SLC24A3: variants seen among roughly 807,000 people sequenced by gnomAD.
The protein encoded by SLC24A3 is sodium/potassium/calcium exchanger 3.
In SLC24A3, 28 loss-of-function variants were observed where a neutral mutation model predicts 75.8. That is an observed-to-expected ratio of 0.37 (90% CI 0.27 to 0.51). The LOEUF is 0.51. SLC24A3 is among the 20% of genes least tolerant of loss of function. The probability of loss-of-function intolerance (pLI) is 0.94; values close to 1 mark genes in which losing one functional copy is unlikely to be tolerated. For synonymous variants in SLC24A3, 372 were observed against 334.1 expected (o/e 1.11, Z -1.24); for missense variants, 663 against 847.8 (o/e 0.78, Z 2.71).
At chr20:19,298,312 T>A (rs1348983139) in intron 2 of SLC24A3, among the ~76,000 whole-genome samples, 1 of 152,210 alleles carries the variant, frequency 6.6e-6, no homozygotes, top group Non-Finnish European at 1.5e-5. Flanking sequence ...AACACTTCAT[T>A]GGTGTGGATC....
At chr20:19,697,485 C>T (rs2032823709) in intron 14 of SLC24A3, 1 of 152,808 alleles carries the variant, frequency 6.5e-6, no homozygotes, top group Non-Finnish European at 1.5e-5. Flanking sequence ...CTGCAGTGCC[C>T]TCTAAGTGAC....
chr20:19,638,322 CA>C (rs1336036045), intron 6 of SLC24A3, among the ~76,000 whole-genome samples: 1 of 151,948 alleles, frequency 6.6e-6, no homozygotes, highest in African/African-American at 2.4e-5. Context: ...TAAAAGACTC[CA>C]AAATGAAAAT....
intron 3 of SLC24A3, among the ~76,000 whole-genome samples, chr20:19,533,430 G>T (rs1382379487): frequency 6.6e-6 from 1 of 152,208 alleles, no homozygotes; most frequent in Non-Finnish European, 1.5e-5. Flanking sequence ...AGGTCACACT[G>T]CAGAAGAGCA....
chr20:19,587,015 G>A (rs749331306), intron 6 of SLC24A3, among the ~76,000 whole-genome samples: 4 of 152,056 alleles, frequency 2.6e-5, no homozygotes, highest in Non-Finnish European at 5.9e-5. Flanking sequence ...CACTTCCCTG[G>A]CTCTCCTTTG....
In SLC24A3 at chr20:19,722,623, A is replaced by C. The variant is rs1279087428; in HGVS notation, c.*1483A>C. 1 of 152,594 alleles carries C rather than the reference A, an allele frequency of 6.6e-6. No homozygotes were observed. Among genetic ancestry groups the C allele is most frequent in the Non-Finnish European group, 1.5e-5 (1 of 68,038 alleles). The allele number at this position is 152,594 out of a possible 1,614,324, so 9.5% of individuals were successfully genotyped here. A position where few individuals can be genotyped will look rare whatever the true frequency, so the allele number is the denominator to read the frequency against. On this transcript the variant is annotated 3_prime_UTR_variant, in exon 17 of 17. Coordinates refer to ENST00000328041, the MANE Select transcript of SLC24A3 (RefSeq NM_020689.4). ...TATTTACTTTAAGCACTGATCACTT[A>C]TCATTCATTCGGTATGGTTTTCCCT...
intron 2 of SLC24A3, among the ~76,000 whole-genome samples, chr20:19,366,354 A>T (rs1039407646): frequency 5.3e-5 from 8 of 152,236 alleles, no homozygotes; most frequent in African/African-American, 9.6e-5. Context: ...TGACTATTTT[A>T]AAAAACGACC....
At chr20:19,666,115 T>A (rs1481169435) in intron 8 of SLC24A3, among the ~76,000 whole-genome samples, 1 of 152,092 alleles carries the variant, frequency 6.6e-6, no homozygotes, top group Non-Finnish European at 1.5e-5. Context: ...CTATTTGAGA[T>A]CCTAATATCT....
At chr20:19,556,653 C>T (rs983086556) in intron 3 of SLC24A3, among the ~76,000 whole-genome samples, 7 of 151,212 alleles carry the variant, frequency 4.6e-5, no homozygotes, top group East Asian at 2.0e-4. Context: ...CTGCTACAAA[C>T]GGCTTGTCAC....
At chr20:19,457,791 G>T (rs1427053794) in intron 2 of SLC24A3, among the ~76,000 whole-genome samples, 2 of 152,190 alleles carry the variant, frequency 1.3e-5, no homozygotes, top group Non-Finnish European at 2.9e-5. Flanking sequence ...GAGGTTGAGG[G>T]AGTCAGCTGT....
At chr20:19,262,131 C>T (rs1983008703) in intron 1 of SLC24A3, among the ~76,000 whole-genome samples, 1 of 152,030 alleles carries the variant, frequency 6.6e-6, no homozygotes, top group South Asian at 2.1e-4. Flanking sequence ...AGGCCGGGCG[C>T]GGTGGCTCAC....
intron 3 of SLC24A3, among the ~76,000 whole-genome samples, chr20:19,533,092 T>G (rs1389706228): frequency 6.6e-6 from 1 of 152,180 alleles, no homozygotes; most frequent in East Asian, 1.9e-4. Flanking sequence ...TTAAAACAAT[T>G]TGTTATCAGT....
chr20:19,638,119 T>C (rs2032023884), intron 6 of SLC24A3, among the ~76,000 whole-genome samples: 1 of 151,992 alleles, frequency 6.6e-6, no homozygotes, highest in Non-Finnish European at 1.5e-5. Flanking sequence ...CCCCTCCCTG[T>C]GTCCATGTGT....
chr20:19,396,719 G>T (rs1986460203), intron 2 of SLC24A3, among the ~76,000 whole-genome samples: 1 of 152,176 alleles, frequency 6.6e-6, no homozygotes, highest in African/African-American at 2.4e-5. Flanking sequence ...CATTTAGGAA[G>T]GTTTAAGCTG....
Position 19,721,134 on chromosome 20 carries a change from C to T in SLC24A3, c.1929C>T (p.Asp643=). 1 of 1,614,042 alleles carries T rather than the reference C, an allele frequency of 6.2e-7. No homozygotes were observed. The highest frequency in any genetic ancestry group is 8.5e-7 in the Non-Finnish European group (1 of 1,179,996). Reference sequence around the variant, plus strand: ...TTGTGAACCTGCCCATGTGCGGGGACCACTGAGCCGCCGGGTGCCCACAGA... The same window carrying T: ...TTGTGAACCTGCCCATGTGCGGGGATCACTGAGCCGCCGGGTGCCCACAGA... ...FTFVNLPMCG[D]H The change falls in exon 17 of 17, where the codon GAC becomes GAT. Residue 643 remains aspartate, a synonymous_variant. Coordinates refer to ENST00000328041, the MANE Select transcript of SLC24A3 (RefSeq NM_020689.4).
intron 6 of SLC24A3, among the ~76,000 whole-genome samples, chr20:19,639,060 C>T (rs931690119): frequency 1.5e-4 from 23 of 152,132 alleles, no homozygotes; most frequent in Non-Finnish European, 2.6e-4. Context: ...TCTTATCTGG[C>T]CCCACCCACA....
chr20:19,540,155 G>A (rs577795285), intron 3 of SLC24A3, among the ~76,000 whole-genome samples: 36 of 152,270 alleles, frequency 2.4e-4, no homozygotes, highest in African/African-American at 8.4e-4. Context: ...TCGGTTCAAA[G>A]TACTCAGCAT....
At chr20:19,651,970 A>C (rs2032211005) in intron 6 of SLC24A3, among the ~76,000 whole-genome samples, 1 of 152,104 alleles carries the variant, frequency 6.6e-6, no homozygotes, top group African/African-American at 2.4e-5. Context: ...TCAATTCTTC[A>C]AATGCTGGAT....
At chr20:19,470,484 A>G (rs1174656148) in intron 2 of SLC24A3, among the ~76,000 whole-genome samples, 1 of 152,204 alleles carries the variant, frequency 6.6e-6, no homozygotes, top group African/African-American at 2.4e-5. Flanking sequence ...ACCTTAAAAT[A>G]TGGATGACAT....
chr20:19,336,849 A>C (rs529300989), intron 2 of SLC24A3, among the ~76,000 whole-genome samples: 2 of 152,046 alleles, frequency 1.3e-5, no homozygotes, highest in Admixed American at 1.3e-4. Context: ...TACTACTTAC[A>C]AAACTTCCTC....
Sources: gnomAD v4.1 joint callset for allele counts (sites outside exome capture counted in the v4.1 genomes callset) on GRCh38, gnomAD v4.1.1 for gene constraint, MANE v1.5 for transcripts, NCBI Gene and HGNC (gene_info 2026-07-23, HGNC 2026-07-21) for gene names.